ARSG: variants seen among roughly 807,000 people sequenced by gnomAD.
ARSG encodes ASG.
Under a neutral mutation model 50.5 loss-of-function variants are expected in ARSG, and 37 were observed. The observed-to-expected ratio is 0.73, with a 90% CI of 0.56 to 0.96. ARSG has a LOEUF of 0.96. ARSG is among the 50% of genes least tolerant of loss of function. The pLI is 0.00. For missense variants in ARSG, 629 were observed against 675.3 expected, an observed-to-expected ratio of 0.93 and a Z score of 0.76; for synonymous variants, 225 against 254.6, an observed-to-expected ratio of 0.88 and a Z score of 1.11.
At chr17:68,305,634 T>G (rs530343336) in intron 1 of ARSG, among the ~76,000 whole-genome samples, 51 of 152,336 alleles carry the variant, frequency 3.3e-4, no homozygotes, top group African/African-American at 1.2e-3. Context: ...TTTTTTGAAA[T>G]TTTTTCTAAC....
At chr17:68,394,770 C>T (rs1486476599) in intron 9 of ARSG, among the ~76,000 whole-genome samples, 1 of 152,162 alleles carries the variant, frequency 6.6e-6, no homozygotes, top group Non-Finnish European at 1.5e-5. Flanking sequence ...AAATATCATA[C>T]CCATCTTAGA....
chr17:68,305,060 G>T (rs2076557217), intron 1 of ARSG, among the ~76,000 whole-genome samples: 1 of 152,174 alleles, frequency 6.6e-6, no homozygotes, highest in Non-Finnish European at 1.5e-5. Context: ...TGTAATTCTA[G>T]CTACCCGGGA....
At chr17:68,413,260 G>T (rs1005817369) in intron 11 of ARSG, among the ~76,000 whole-genome samples, 1 of 151,946 alleles carries the variant, frequency 6.6e-6, no homozygotes, top group East Asian at 1.9e-4. Flanking sequence ...TTTTATCTAC[G>T]TTTGGTCTTT....
chr17:68,372,174 G>A (rs2079877336), intron 8 of ARSG, among the ~76,000 whole-genome samples: 1 of 152,128 alleles, frequency 6.6e-6, no homozygotes, highest in Admixed American at 6.5e-5. Flanking sequence ...CTGTGTATTA[G>A]TCCACAGACT....
the ARSG span, chr17:68,435,630 G>A: frequency 1.9e-5 from 31 of 1,614,062 alleles, no homozygotes; most frequent in Non-Finnish European, 5.9e-6. Flanking sequence ...TTTTTCAGAC[G>A]CACTTGCTAG....
Position 68,420,671 on chromosome 17 carries a change from T to C in ARSG, c.*208T>C. The C allele has an allele frequency of 1.6e-6, 1 of 613,154 alleles. No individual in the cohort carries two copies. Among genetic ancestry groups the C allele is most frequent in the Non-Finnish European group, 2.8e-6 (1 of 357,226 alleles). The allele number at this position is 613,154 out of a possible 1,614,324, so 38.0% of individuals were successfully genotyped here. Reference sequence around the variant, plus strand: ...AGCTGCGCTGGCTCTGGGCAGGGAGTGTGCCTTAATGGGAAGCACACGGGC... The same window carrying C: ...AGCTGCGCTGGCTCTGGGCAGGGAGCGTGCCTTAATGGGAAGCACACGGGC... On this transcript the variant is annotated 3_prime_UTR_variant, in exon 12 of 12. Transcript: ENST00000621439.
At chr17:68,440,260 T>A in the ARSG span, among the ~76,000 whole-genome samples, 1 of 152,204 alleles carries the variant, frequency 6.6e-6, no homozygotes, top group Non-Finnish European at 1.5e-5. Context: ...GACTTCCCTA[T>A]GGCCCAAGTG....
chr17:68,410,769 G>A lies in ARSG; in HGVS notation c.1303+9319G>A, dbSNP rs535363091. 2.8e-3 allele frequency among the ~76,000 whole-genome samples: 419 copies of A among 152,204 alleles called. 1 individual carries two copies. The highest frequency in any genetic ancestry group is 0.01 in the Middle Eastern group (3 of 294). Reference sequence around the variant, plus strand: ...ATCTGGTCCTGGACTCTTTTTGGTTGGTAAACTATTGATTATTGCCACAAT... The same window carrying A: ...ATCTGGTCCTGGACTCTTTTTGGTTAGTAAACTATTGATTATTGCCACAAT... On this transcript the variant is annotated intron_variant, in intron 11 of 11. Coordinates refer to ENST00000621439, the MANE Select transcript of ARSG (RefSeq NM_001267727.2).
rs2078470588 is a variant in ARSG, at chr17:68,345,683, G to A, written c.407-1442G>A. Among the ~76,000 whole-genome samples, 3 of 152,110 alleles carry A rather than the reference G, an allele frequency of 2.0e-5. No individual in the cohort carries two copies. In the South Asian group the frequency reaches 6.2e-4, roughly 32 times the overall value. The stretch of plus-strand genomic sequence containing the variant: ...TTCTAATCTTGGTCCATGTTTATGT[G>A]TTGCCTAGCTGTGCGAATACCACTG... On this transcript the variant is annotated intron_variant, in intron 3 of 11. Transcript: ENST00000621439.
At chr17:68,386,113 C>T (rs1490490004) in intron 9 of ARSG, among the ~76,000 whole-genome samples, 1 of 152,198 alleles carries the variant, frequency 6.6e-6, no homozygotes, top group Non-Finnish European at 1.5e-5. Flanking sequence ...ATCTCCATGG[C>T]AAAGAACTTG....
chr17:68,348,879 G>A (rs942021078), intron 4 of ARSG, among the ~76,000 whole-genome samples: 2 of 152,264 alleles, frequency 1.3e-5, no homozygotes, highest in South Asian at 2.1e-4. Flanking sequence ...TCAGGTCAGG[G>A]CTCCTGCAAA....
At chr17:68,436,377 C>CT in the ARSG span, 3 of 1,613,630 alleles carry the variant, frequency 1.9e-6, no homozygotes, top group Admixed American at 5.0e-5. Flanking sequence ...TCACCGTCAA[C>CT]TTACCAGGGA....
At chr17:68,386,736 A>G (rs1232973587) in intron 9 of ARSG, among the ~76,000 whole-genome samples, 1 of 152,180 alleles carries the variant, frequency 6.6e-6, no homozygotes, top group South Asian at 2.1e-4. Flanking sequence ...CAGGCTGCAC[A>G]TGGACAAGTA....
the ARSG span, chr17:68,444,642 G>T: frequency 1.4e-6 from 2 of 1,455,282 alleles, no homozygotes; most frequent in South Asian, 1.2e-5. Flanking sequence ...CAAAGACCCT[G>T]ACCAAATCCA....
chr17:68,302,259 A>C (rs1555762187), intron 1 of ARSG, among the ~76,000 whole-genome samples: 1 of 152,158 alleles, frequency 6.6e-6, no homozygotes, highest in African/African-American at 2.4e-5. Context: ...TCTGGGGAGT[A>C]AAACAACAGC....
At position 68,305,205 on chromosome 17, in the gene ARSG, G is replaced by T. The variant is rs371655085; in HGVS notation, c.-551-1738G>T. 2.2e-4 allele frequency among the ~76,000 whole-genome samples: 34 copies of T among 152,268 alleles called. 3 individuals are homozygous for T. In the South Asian group the frequency reaches 6.8e-3, roughly 31 times the overall value. On this transcript the variant is annotated intron_variant, in intron 1 of 11. Coordinates refer to ENST00000621439, the MANE Select transcript of ARSG (RefSeq NM_001267727.2). ...TTTTAAGTGAACTAGAGCTAATCTA[G>T]TTTTATCCTTGGCTCCATTTGCAAC...
chr17:68,317,966 G>A (rs1354124362), intron 2 of ARSG, among the ~76,000 whole-genome samples: 5 of 152,166 alleles, frequency 3.3e-5, no homozygotes, highest in African/African-American at 1.2e-4. Flanking sequence ...GGGCGTGGTG[G>A]CGGGTGCCTG....
intron 11 of ARSG, among the ~76,000 whole-genome samples, chr17:68,415,491 T>G (rs1311274751): frequency 2.6e-5 from 4 of 152,182 alleles, no homozygotes; most frequent in Non-Finnish European, 5.9e-5. Flanking sequence ...GAATGTGTAT[T>G]CTGCAGTTGT....
At chr17:68,359,035 C>T (rs561313076) in intron 6 of ARSG, among the ~76,000 whole-genome samples, 208 of 151,958 alleles carry the variant, frequency 1.4e-3, no homozygotes, top group Non-Finnish European at 2.1e-3. Flanking sequence ...TGGTGGCGGA[C>T]GCCTGTAGTC....
Sources: gnomAD v4.1 joint callset for allele counts (sites outside exome capture counted in the v4.1 genomes callset) on GRCh38, gnomAD v4.1.1 for gene constraint, MANE v1.5 for transcripts, NCBI Gene and HGNC (gene_info 2026-07-23, HGNC 2026-07-21) for gene names.